The following COL14A1 variants were observed in gnomAD, a reference collection of about 807,000 sequenced individuals.
COL14A1 encodes collagen type XIV alpha 1 chain.
In COL14A1, 136 loss-of-function variants were observed where a neutral mutation model predicts 230.3. The observed-to-expected ratio is 0.59, with a 90% CI of 0.51 to 0.68. COL14A1 has a LOEUF of 0.68. Ranked by LOEUF, COL14A1 falls within the 30% of genes least tolerant of loss-of-function variation. COL14A1 has a pLI of 0.00. For missense variants in COL14A1, 1,976 were observed against 2,215.8 expected (o/e 0.89, Z 2.17); for synonymous variants, 792 against 784.1 (o/e 1.01, Z -0.17).
chr8:120,251,156 T>C (rs1449115799), intron 22 of COL14A1, among the ~76,000 whole-genome samples: 1 of 152,224 alleles, frequency 6.6e-6, no homozygotes, highest in African/African-American at 2.4e-5. Flanking sequence ...TTCCTCTGCA[T>C]TGCCCTTTCT....
chr8:120,198,323 A>C (rs974040845), intron 7 of COL14A1, among the ~76,000 whole-genome samples: 2 of 152,198 alleles, frequency 1.3e-5, no homozygotes, highest in African/African-American at 2.4e-5. Flanking sequence ...TTATTCTGCA[A>C]TCATTAGTTA....
intron 1 of COL14A1, among the ~76,000 whole-genome samples, chr8:120,138,508 AT>A (rs1204826460): frequency 6.6e-6 from 1 of 152,116 alleles, no homozygotes; most frequent in Non-Finnish European, 1.5e-5. Flanking sequence ...TTTCCCCCTG[AT>A]TTCTGATCAC....
At chr8:120,312,001 A>C (rs1821059093) in intron 37 of COL14A1, among the ~76,000 whole-genome samples, 1 of 152,008 alleles carries the variant, frequency 6.6e-6, no homozygotes, top group Non-Finnish European at 1.5e-5. Context: ...GGAGGCTGAC[A>C]CAGGAGAATC....
chr8:120,323,766 A>C (rs372568840), intron 40 of COL14A1, among the ~76,000 whole-genome samples: 1 of 152,002 alleles, frequency 6.6e-6, no homozygotes, highest in African/African-American at 2.4e-5. Context: ...CTTCTGCTCC[A>C]TTGGTCTATG....
intron 30 of COL14A1, 21 bp from the exon 31 acceptor site, chr8:120,280,900 C>A: frequency 7.3e-7 from 1 of 1,373,778 alleles, no homozygotes; most frequent in Non-Finnish European, 9.7e-7. Flanking sequence ...TATTCTTTTT[C>A]TACTTTTTTT....
chr8:120,137,649 C>A (rs893256901), intron 1 of COL14A1, among the ~76,000 whole-genome samples: 3 of 151,972 alleles, frequency 2.0e-5, no homozygotes, highest in African/African-American at 2.4e-5. Context: ...CAAATTGTAC[C>A]TTTATTTTCA....
intron 42 of COL14A1, among the ~76,000 whole-genome samples, chr8:120,333,937 CATAG>C: frequency 6.6e-6 from 1 of 152,338 alleles, no homozygotes; most frequent in South Asian, 2.1e-4. Context: ...CTGGGATAAT[CATAG>C]ATAATCTCCC....
At chr8:120,194,184 C>T (rs534309904) in intron 5 of COL14A1, among the ~76,000 whole-genome samples, 2 of 152,328 alleles carry the variant, frequency 1.3e-5, no homozygotes, top group South Asian at 2.1e-4. Flanking sequence ...TCCTATTCGG[C>T]CATCTTGGCT....
chr8:120,166,912 GTGTGTGT>G (rs1355415033), intron 4 of COL14A1, among the ~76,000 whole-genome samples: 11 of 149,144 alleles, frequency 7.4e-5, no homozygotes, highest in African/African-American at 2.5e-4. Flanking sequence ...GTGTGTGTGT[GTGTGTGT>G]GTGGTGGTGA....
intron 22 of COL14A1, among the ~76,000 whole-genome samples, chr8:120,251,842 T>C (rs1275279659): frequency 1.3e-5 from 2 of 152,156 alleles, no homozygotes; most frequent in African/African-American, 4.8e-5. Flanking sequence ...CCAGTCTACC[T>C]TAAATTACTG....
At chr8:120,216,239 T>A (rs1453734237) in intron 13 of COL14A1, 112 bp from the exon 14 acceptor site, 1 of 793,022 alleles carries the variant, frequency 1.3e-6, no homozygotes, top group Admixed American at 2.8e-5. Flanking sequence ...TATAAGTTAT[T>A]ATCTAGGTGA....
chr8:120,307,308 TATGG>T (rs1820884913), intron 36 of COL14A1, among the ~76,000 whole-genome samples: 1 of 152,194 alleles, frequency 6.6e-6, no homozygotes, highest in Non-Finnish European at 1.5e-5. Flanking sequence ...ATGAAGCATA[TATGG>T]AAATCTGATA....
intron 4 of COL14A1, among the ~76,000 whole-genome samples, chr8:120,166,058 C>T (rs116504967): frequency 1.1e-4 from 17 of 152,160 alleles, no homozygotes; most frequent in Non-Finnish European, 2.2e-4. Context: ...GTCAGTGGGG[C>T]CAGTCAGGTG....
intron 19 of COL14A1, among the ~76,000 whole-genome samples, chr8:120,234,827 TA>T (rs1355002451): frequency 1.3e-5 from 2 of 152,336 alleles, no homozygotes; most frequent in Non-Finnish European, 2.9e-5. Flanking sequence ...GCTGACCTAA[TA>T]AAAAGACTTA....
chr8:120,327,517 C>G (rs1239340075), intron 40 of COL14A1, among the ~76,000 whole-genome samples: 1 of 152,148 alleles, frequency 6.6e-6, no homozygotes, highest in Non-Finnish European at 1.5e-5. Context: ...ACACAAGGAT[C>G]TGGGTCTGCT....
At position 120,373,116 on chromosome 8, in the gene COL14A1, A is replaced by G. The variant is rs1046642699; in HGVS notation, c.*1885A>G. On this transcript the variant is annotated 3_prime_UTR_variant, in exon 48 of 48. Transcript: ENST00000297848. ...CCATGACATTTAATAGTGAGTATAG[A>G]GTAGGATATTCTATACATTTTAGTA... Among the ~76,000 whole-genome samples the G allele has an allele frequency of 1.6e-4, 25 of 152,162 alleles. No individual in the cohort carries two copies. The highest frequency in any genetic ancestry group is 4.6e-4 in the Admixed American group (7 of 15,266).
At chr8:120,203,535 T>C (rs886876287) in intron 8 of COL14A1, among the ~76,000 whole-genome samples, 174 bp from the exon 9 acceptor site, 17 of 152,188 alleles carry the variant, frequency 1.1e-4, no homozygotes, top group African/African-American at 4.1e-4. Flanking sequence ...TTTCATTTCA[T>C]CGGTTTATTT....
intron 5 of COL14A1, among the ~76,000 whole-genome samples, chr8:120,192,274 T>G (rs1482134722): frequency 1.6e-4 from 25 of 152,242 alleles, no homozygotes; most frequent in Non-Finnish European, 2.2e-4. Flanking sequence ...TTGCTTGTCT[T>G]TAAAGTATTT....
chr8:120,263,399 G>A (rs918591846), intron 24 of COL14A1, among the ~76,000 whole-genome samples: 3 of 152,150 alleles, frequency 2.0e-5, no homozygotes, highest in Non-Finnish European at 4.4e-5. Context: ...CCATGAGGAT[G>A]GGAAGGGAGC....
Sources: gnomAD v4.1 joint callset for allele counts (sites outside exome capture counted in the v4.1 genomes callset) on GRCh38, gnomAD v4.1.1 for gene constraint, MANE v1.5 for transcripts, NCBI Gene and HGNC (gene_info 2026-07-23, HGNC 2026-07-21) for gene names.